ARMC9: variants seen among roughly 807,000 people sequenced by gnomAD.
ARMC9 encodes armadillo repeat containing 9, also known as lisH domain-containing protein ARMC9.
In ARMC9, 94 loss-of-function variants were observed where a neutral mutation model predicts 107.0. That is an observed-to-expected ratio of 0.88 (90% CI 0.74 to 1.04). The LOEUF is 1.04. ARMC9 is among the 50% of genes least tolerant of loss of function. The pLI, the probability that ARMC9 is intolerant of heterozygous loss-of-function variation, is 0.00. For synonymous variants in ARMC9, 380 were observed against 396.9 expected, an observed-to-expected ratio of 0.96 and a Z score of 0.51; for missense variants, 942 against 1,030.1, an observed-to-expected ratio of 0.91 and a Z score of 1.17.
At chr2:231,336,722 C>G (rs1375429750) in intron 20 of ARMC9, among the ~76,000 whole-genome samples, 1 of 152,248 alleles carries the variant, frequency 6.6e-6, no homozygotes, top group Non-Finnish European at 1.5e-5. Context: ...GTGCAGGTTC[C>G]TGGCCCCACA....
intron 1 of ARMC9, 89 bp from the exon 2 acceptor site, chr2:231,206,109 G>A (rs1029789909): frequency 1.3e-6 from 1 of 771,846 alleles, no homozygotes; most frequent in African/African-American, 1.8e-5. Flanking sequence ...ATGTCTTTGG[G>A]GGCCATTATT....
At chr2:231,324,625 T>C (rs2043209859) in intron 19 of ARMC9, among the ~76,000 whole-genome samples, 1 of 151,614 alleles carries the variant, frequency 6.6e-6, no homozygotes, top group South Asian at 2.1e-4. Flanking sequence ...CTGCCTATAA[T>C]CCCAGCTACT....
At chr2:231,264,731 G>A (rs2038696555) in intron 12 of ARMC9, among the ~76,000 whole-genome samples, 1 of 148,742 alleles carries the variant, frequency 6.7e-6, no homozygotes, top group East Asian at 2.0e-4. Context: ...TCCTGACCTC[G>A]GGTGATCCGC....
chr2:231,213,131 A>G (rs193253436), intron 3 of ARMC9, among the ~76,000 whole-genome samples: 2 of 151,566 alleles, frequency 1.3e-5, no homozygotes, highest in East Asian at 1.9e-4. Flanking sequence ...AAAAATGACA[A>G]TTATGCAGGA....
rs1013460908 is a variant in ARMC9, at chr2:231,255,847, C to G, written c.880-739C>G. Among the ~76,000 whole-genome samples the G allele has an allele frequency of 6.6e-6, 1 of 152,166 alleles. No homozygotes were observed. The highest frequency in any genetic ancestry group is 2.4e-5 in the African/African-American group (1 of 41,442). On this transcript the variant is annotated intron_variant, in intron 9 of 24. Coordinates refer to ENST00000611582, the MANE Select transcript of ARMC9 (RefSeq NM_001352754.2). The surrounding 1 kb of genome is among the most constrained non-coding windows in gnomAD (Gnocchi z 4.7). ...GGTCAGGAGATTGAGACCATCCTGG[C>G]TAACACGGTGAAACCCCGTTTCTAC... is the stretch of plus-strand genomic sequence containing the variant.
At position 231,271,045 on chromosome 2, in the gene ARMC9, A is replaced by T; in HGVS notation, c.1183A>T (p.Ile395Phe). Residue 395 changes from isoleucine (I) to phenylalanine (F), a missense_variant, in exon 13 of 25, where the codon ATC becomes TTC. By Grantham distance (21) the Ile-to-Phe change is conservative. Transcript: ENST00000611582. ...GGTGCGGCAGTACATGGCCAGGCTC[A>T]TCAATGCTTTTGCGTCACTGGCAGA... Reference protein sequence around the residue: ...DVVRQYMARLINAFASLAEGR... With the variant: ...DVVRQYMARLFNAFASLAEGR... 6.2e-7 allele frequency: 1 copy of T among 1,614,182 alleles called. No individual in the cohort carries two copies. The highest frequency in any genetic ancestry group is 8.5e-7 in the Non-Finnish European group (1 of 1,180,038).
chr2:231,247,609 C>A (rs540010823), intron 9 of ARMC9, among the ~76,000 whole-genome samples: 1 of 152,314 alleles, frequency 6.6e-6, no homozygotes, highest in South Asian at 2.1e-4. Context: ...TGTTGCATAC[C>A]CAGACCAACC....
intron 7 of ARMC9, among the ~76,000 whole-genome samples, chr2:231,229,125 G>A (rs934992854): frequency 1.1e-4 from 17 of 152,076 alleles, no homozygotes; most frequent in African/African-American, 4.1e-4. Context: ...ATTTGAGTCT[G>A]GCAAGCAAAG....
intron 20 of ARMC9, among the ~76,000 whole-genome samples, chr2:231,338,033 T>C (rs1418779789): frequency 6.6e-6 from 1 of 152,120 alleles, no homozygotes; most frequent in African/African-American, 2.4e-5. Context: ...GTGGGGGCTG[T>C]CAGAGCCCAG....
chr2:231,346,815 G>A (rs2044836153), intron 21 of ARMC9, among the ~76,000 whole-genome samples: 1 of 152,192 alleles, frequency 6.6e-6, no homozygotes, highest in Non-Finnish European at 1.5e-5. Flanking sequence ...CAGGAATACG[G>A]TCAGTTACCA....
Position 231,376,276 on chromosome 2 carries a change from A to G in ARMC9, c.*4741A>G, listed in dbSNP as rs1257746995. On this transcript the variant is annotated 3_prime_UTR_variant, in exon 25 of 25. Coordinates refer to ENST00000611582, the MANE Select transcript of ARMC9 (RefSeq NM_001352754.2). ...ATAAGAGAGATAACCTTAAACTCTG[A>G]CCACTGGTGAGTCGGGCGGAACAGA... Among the ~76,000 whole-genome samples the G allele has an allele frequency of 6.6e-6, 1 of 152,148 alleles. No homozygotes were observed. Among genetic ancestry groups the G allele is most frequent in the Non-Finnish European group, 1.5e-5 (1 of 68,028 alleles).
intron 18 of ARMC9, among the ~76,000 whole-genome samples, chr2:231,293,318 C>CCA (rs2041146429): frequency 6.6e-6 from 1 of 152,182 alleles, no homozygotes; most frequent in South Asian, 2.1e-4. Flanking sequence ...TCTGGGTAGG[C>CCA]CACGGTGTGG....
chr2:231,329,273 G>T (rs1301880335), intron 19 of ARMC9, among the ~76,000 whole-genome samples: 1 of 152,016 alleles, frequency 6.6e-6, no homozygotes, highest in African/African-American at 2.4e-5. Flanking sequence ...ATTCATGAAC[G>T]AGGTGTGGTT....
In ARMC9 at chr2:231,302,433, G is replaced by GTTTTTTTTTTTT. The variant is rs1322418026; in HGVS notation, c.1773+6183_1773+6184insTTTTTTTTTTTT. On this transcript the variant is annotated intron_variant, in intron 19 of 24. Coordinates refer to ENST00000611582, the MANE Select transcript of ARMC9 (RefSeq NM_001352754.2). ...TTTATGAAAAAGTGTAGCATTGTGG[G>GTTTTTTTTTTTT]TTTGTTTTTTTTTTTTTTTTTTTTT... Among the ~76,000 whole-genome samples the GTTTTTTTTTTTT allele has an allele frequency of 4.1e-5, 4 of 96,392 alleles. 1 individual carries two copies. Among genetic ancestry groups the GTTTTTTTTTTTT allele is most frequent in the Admixed American group, 1.1e-4 (1 of 8,736 alleles). 63.2% of individuals were successfully genotyped at this position (96,392 alleles called of 152,430 possible). A position where few individuals can be genotyped will look rare whatever the true frequency, so the allele number is the denominator to read the frequency against.
intron 22 of ARMC9, among the ~76,000 whole-genome samples, chr2:231,359,116 C>T (rs527581976): frequency 1.2e-4 from 16 of 131,532 alleles, no homozygotes; most frequent in Admixed American, 1.0e-3. Flanking sequence ...GATGGAGTCT[C>T]GCTCTCTCAC....
intron 9 of ARMC9, among the ~76,000 whole-genome samples, chr2:231,251,032 G>A (rs1460703712): frequency 6.6e-6 from 1 of 152,212 alleles, no homozygotes; most frequent in Admixed American, 6.5e-5. Flanking sequence ...GTTCAGAGGA[G>A]AGAAGAAGTC....
At chr2:231,200,312 C>G (rs1022043313) in intron 1 of ARMC9, among the ~76,000 whole-genome samples, 1 of 152,146 alleles carries the variant, frequency 6.6e-6, no homozygotes, top group African/African-American at 2.4e-5. Flanking sequence ...CCTTGAGTAC[C>G]TTTCTTGCTT....
At chr2:231,229,676 T>C (rs2035021860) in intron 7 of ARMC9, among the ~76,000 whole-genome samples, 1 of 152,218 alleles carries the variant, frequency 6.6e-6, no homozygotes, top group African/African-American at 2.4e-5. Context: ...TAAGTTACAT[T>C]ATAACTTTCT....
chr2:231,370,754 T>C (rs1238950406), intron 24 of ARMC9: 1 of 219,240 alleles, frequency 4.6e-6, no homozygotes, highest in East Asian at 1.5e-4. Flanking sequence ...TTCCAGCCTC[T>C]GCCAATTGAT....
Sources: allele counts gnomAD v4.1 joint callset (sites outside exome capture counted in the v4.1 genomes callset), GRCh38; gene constraint gnomAD v4.1.1; non-coding constraint Gnocchi (gnomAD v3.1); transcripts MANE v1.5; gene names NCBI Gene and HGNC (gene_info 2026-07-23, HGNC 2026-07-21).